Variants in ENOX1 observed in about 807,000 individuals in gnomAD.
ENOX1 encodes ecto-NOX disulfide-thiol exchanger 1.
A neutral mutation model predicts 82.5 loss-of-function variants in ENOX1; 42 were observed. The ratio of observed to expected loss-of-function variants is 0.51; its 90% CI spans 0.40 to 0.66. The LOEUF is 0.66. ENOX1 is among the 30% of genes least tolerant of loss of function. ENOX1 has a pLI of 0.00. For missense variants in ENOX1, 608 were observed against 811.6 expected (o/e 0.75, Z 3.05); for synonymous variants, 271 against 282.2 (o/e 0.96, Z 0.40).
chr13:43,617,493 T>A (rs951658182), intron 2 of ENOX1, among the ~76,000 whole-genome samples: 3 of 152,238 alleles, frequency 2.0e-5, no homozygotes, highest in Non-Finnish European at 4.4e-5. Context: ...GCTTACTTTT[T>A]AAACTTTTAA....
intron 8 of ENOX1, among the ~76,000 whole-genome samples, chr13:43,355,389 A>G (rs2050081726): frequency 6.6e-6 from 1 of 152,174 alleles, no homozygotes; most frequent in Non-Finnish European, 1.5e-5. Context: ...GCATCTCTGA[A>G]GACAGGGATC....
In ENOX1 at chr13:43,262,580, G is replaced by A. The variant is rs555444046; in HGVS notation, c.1611+2818C>T. On this transcript the variant is annotated intron_variant, in intron 14 of 16. Coordinates refer to ENST00000690772, the MANE Select transcript of ENOX1 (RefSeq NM_001347969.2). ...CTCGCTCTGTCACCTACGTTGGAGT[G>A]CAGTGGTGTGATCTCGGCTCACTGC... Among the ~76,000 whole-genome samples the A allele has an allele frequency of 2.5e-3, 387 of 152,274 alleles. 5 individuals are homozygous for A. The highest frequency in any genetic ancestry group is 3.7e-3 in the Admixed American group (56 of 15,282).
At chr13:43,515,025 C>T (rs1474800642) in intron 2 of ENOX1, among the ~76,000 whole-genome samples, 1 of 152,106 alleles carries the variant, frequency 6.6e-6, no homozygotes, top group Non-Finnish European at 1.5e-5. Flanking sequence ...TTCAGATACA[C>T]ATTTTGTTTC....
At chr13:43,467,135 C>G (rs1325322006) in intron 3 of ENOX1, among the ~76,000 whole-genome samples, 2 of 152,244 alleles carry the variant, frequency 1.3e-5, no homozygotes, top group East Asian at 3.9e-4. Context: ...TCTCTTAGGT[C>G]TATACCTAGG....
chr13:43,265,871 C>G (rs1395511066), intron 13 of ENOX1, among the ~76,000 whole-genome samples: 2 of 152,180 alleles, frequency 1.3e-5, no homozygotes, highest in African/African-American at 2.4e-5. Context: ...GCATTTTCAG[C>G]TGCTTTTAAC....
chr13:43,470,398 G>GTATATATA (rs1249724932), intron 3 of ENOX1, among the ~76,000 whole-genome samples: 1 of 32,328 alleles, frequency 3.1e-5, no homozygotes, highest in African/African-American at 8.3e-5. Flanking sequence ...GTATATATAT[G>GTATATATA]TGTATATATA....
intron 14 of ENOX1, among the ~76,000 whole-genome samples, chr13:43,252,659 G>C (rs1311162578): frequency 6.6e-6 from 1 of 152,208 alleles, no homozygotes; most frequent in Non-Finnish European, 1.5e-5. Context: ...GCAGTTTGCT[G>C]AATTTCTGAC....
At chr13:43,736,169 T>C (rs1338618607) in intron 1 of ENOX1, among the ~76,000 whole-genome samples, 5 of 152,240 alleles carry the variant, frequency 3.3e-5, no homozygotes, top group Non-Finnish European at 2.9e-5. Context: ...CATTTATTGA[T>C]CTTTTAATTA....
At chr13:43,486,201 C>T (rs1249945818) in intron 2 of ENOX1, among the ~76,000 whole-genome samples, 5 of 152,074 alleles carry the variant, frequency 3.3e-5, no homozygotes, top group Non-Finnish European at 2.9e-5. Context: ...CAGAGCGAGA[C>T]TTCGTCTCAA....
At chr13:43,265,664 A>G (rs931370084) in intron 13 of ENOX1, among the ~76,000 whole-genome samples, 2 of 152,220 alleles carry the variant, frequency 1.3e-5, no homozygotes, top group Non-Finnish European at 2.9e-5. Context: ...TGGCAAAAGA[A>G]TAAATGGGTC....
At chr13:43,685,011 T>C (rs1045093966) in intron 1 of ENOX1, among the ~76,000 whole-genome samples, 2 of 152,210 alleles carry the variant, frequency 1.3e-5, no homozygotes, top group Non-Finnish European at 2.9e-5. Context: ...GAAATTACTG[T>C]CCCTTAAGCA....
At chr13:43,319,347 T>C (rs769617967) in intron 11 of ENOX1, among the ~76,000 whole-genome samples, 59 of 152,204 alleles carry the variant, frequency 3.9e-4, no homozygotes, top group Non-Finnish European at 5.4e-4. Flanking sequence ...CTATTGTAGA[T>C]ACTGCAGAAT....
In ENOX1 at chr13:43,641,989, C is replaced by T. The variant is rs531424383; in HGVS notation, c.-219+25490G>A. 1.1e-3 allele frequency among the ~76,000 whole-genome samples: 163 copies of T among 152,244 alleles called. 1 individual carries two copies. The highest frequency in any genetic ancestry group is 3.4e-3 in the Middle Eastern group (1 of 294). On this transcript the variant is annotated intron_variant, in intron 2 of 16. Transcript: ENST00000690772. Reference sequence around the variant, plus strand: ...GTTAACATTTATTGACTACTTACTACGTAACACTCACTTTGTAAGGTGCTT... The same window carrying T: ...GTTAACATTTATTGACTACTTACTATGTAACACTCACTTTGTAAGGTGCTT...
At chr13:43,693,085 A>G (rs1318436874) in intron 1 of ENOX1, among the ~76,000 whole-genome samples, 1 of 152,156 alleles carries the variant, frequency 6.6e-6, no homozygotes, top group Non-Finnish European at 1.5e-5. Context: ...GTTTTTAAAT[A>G]GGTGTGCTTA....
Position 43,676,748 on chromosome 13 carries a change from G to C in ENOX1, c.-284-9204C>G, listed in dbSNP as rs78358488. ...CTGGACTGAGAACACCCACAGAAAG[G>C]GGTTCAGGGAAAAGAAGTTTGAGAT... is the stretch of plus-strand genomic sequence containing the variant. On this transcript the variant is annotated intron_variant, in intron 1 of 16. Coordinates refer to ENST00000690772, the MANE Select transcript of ENOX1 (RefSeq NM_001347969.2). Among the ~76,000 whole-genome samples the C allele has an allele frequency of 2.3e-3, 348 of 152,200 alleles. 2 individuals carry two copies. Among genetic ancestry groups the C allele is most frequent in the African/African-American group, 7.9e-3 (327 of 41,536 alleles).
chr13:43,254,392 C>A (rs2153472522), intron 14 of ENOX1, among the ~76,000 whole-genome samples: 1 of 152,236 alleles, frequency 6.6e-6, no homozygotes, highest in East Asian at 1.9e-4. Context: ...GGAACTCAGT[C>A]TCTTCTCTAT....
At chr13:43,218,610 AG>A (rs1365236440) in intron 16 of ENOX1, among the ~76,000 whole-genome samples, 2 of 152,222 alleles carry the variant, frequency 1.3e-5, no homozygotes, top group Non-Finnish European at 2.9e-5. Context: ...TGGGTGACAG[AG>A]TGAGACCCTG....
At chr13:43,222,081 T>C (rs2153451253) in intron 16 of ENOX1, among the ~76,000 whole-genome samples, 1 of 152,280 alleles carries the variant, frequency 6.6e-6, no homozygotes, top group South Asian at 2.1e-4. Flanking sequence ...AGGGGACACC[T>C]CGTGTGTTTC....
intron 2 of ENOX1, among the ~76,000 whole-genome samples, chr13:43,561,374 T>C (rs1368278274): frequency 2.0e-5 from 3 of 152,092 alleles, no homozygotes; most frequent in African/African-American, 4.8e-5. Context: ...ACCCTCCTAC[T>C]TGATAACTGT....
Sources: allele counts gnomAD v4.1 joint callset (sites outside exome capture counted in the v4.1 genomes callset), GRCh38; gene constraint gnomAD v4.1.1; transcripts MANE v1.5; gene names NCBI Gene and HGNC (gene_info 2026-07-23, HGNC 2026-07-21).